Variants in SEPTIN14 observed in about 807,000 individuals in gnomAD.
The protein encoded by SEPTIN14 is septin-14.
SEPTIN14 carries 40 observed loss-of-function variants against 53.6 expected under a neutral mutation model. The observed-to-expected ratio is 0.75, with a 90% CI of 0.58 to 0.97. The LOEUF (loss-of-function observed/expected upper bound fraction) is 0.97, where lower values mean the gene tolerates loss of function less well. Ranked by LOEUF, SEPTIN14 falls within the 50% of genes least tolerant of loss-of-function variation. The pLI is 0.00. For synonymous variants in SEPTIN14, 138 were observed against 166.8 expected (o/e 0.83, Z 1.33); for missense variants, 471 against 508.2 (o/e 0.93, Z 0.70).
intron 5 of SEPTIN14, among the ~76,000 whole-genome samples, chr7:55,836,710 C>T (rs1403220028): frequency 6.6e-6 from 1 of 152,070 alleles, no homozygotes; most frequent in South Asian, 2.1e-4. Flanking sequence ...TGCACTCCAG[C>T]CTGGGCAACA....
At chr7:55,830,338 TATATATATATA>T (rs1173178461) in intron 6 of SEPTIN14, among the ~76,000 whole-genome samples, 4,301 of 44,670 alleles carry the variant, frequency 0.096, 321 homozygotes, top group African/African-American at 0.23. Flanking sequence ...TATATATATA[TATATATATATA>T]TTTTTTTTTT....
Position 55,834,442 on chromosome 7 carries a change from C to G in SEPTIN14, c.703G>C (p.Ala235Pro). 1 of 1,610,582 alleles carries G rather than the reference C, an allele frequency of 6.2e-7. No homozygotes were observed. The highest frequency in any genetic ancestry group is 8.5e-7 in the Non-Finnish European group (1 of 1,178,858). The change falls in exon 6 of 10, where the codon GCG becomes CCG. Residue 235 changes from alanine to proline, a missense_variant. Ala to Pro is a conservative substitution (Grantham distance 27). Transcript: ENST00000388975. ...LPTDEETAAQ[A>P]NSSVSGLLPF... ...AAACTTACACTAACTGAGGAGTTCGCTTGAGCAGCAGTTTCTTCATCTGTT... is the reference window on the plus strand; with the variant it reads ...AAACTTACACTAACTGAGGAGTTCGGTTGAGCAGCAGTTTCTTCATCTGTT...
chr7:55,844,849 T>A (rs935881624), intron 3 of SEPTIN14, 131 bp from the exon 4 acceptor site: 2 of 424,618 alleles, frequency 4.7e-6, no homozygotes, highest in Non-Finnish European at 8.2e-6. Flanking sequence ...GTATTCTGGC[T>A]ACCAGAGGCT....
intron 8 of SEPTIN14, among the ~76,000 whole-genome samples, chr7:55,806,574 C>G (rs1316476539): frequency 6.6e-6 from 1 of 151,904 alleles, no homozygotes; most frequent in Non-Finnish European, 1.5e-5. Context: ...AGCGATTCTC[C>G]TGCCTCAGCC....
chr7:55,859,689 A>G (rs1789708821), intron 2 of SEPTIN14, among the ~76,000 whole-genome samples: 1 of 151,290 alleles, frequency 6.6e-6, no homozygotes, highest in Admixed American at 6.6e-5. Context: ...CTTTGTTTCC[A>G]CTATAAATGG....
intron 2 of SEPTIN14, among the ~76,000 whole-genome samples, chr7:55,860,956 A>G (rs1034152019): frequency 6.6e-6 from 1 of 152,202 alleles, no homozygotes; most frequent in East Asian, 1.9e-4. Context: ...GTATTTTGTT[A>G]TAGCTGCCCA....
intron 6 of SEPTIN14, among the ~76,000 whole-genome samples, chr7:55,830,926 T>C (rs1035771643): frequency 2.0e-5 from 3 of 151,958 alleles, no homozygotes; most frequent in Admixed American, 2.0e-4. Context: ...CTGAAACTAT[T>C]CCAAAAATTT....
intron 7 of SEPTIN14, 29 bp downstream of exon 7, chr7:55,819,098 T>C: frequency 2.3e-6 from 3 of 1,277,300 alleles, no homozygotes; most frequent in Non-Finnish European, 3.4e-6. Flanking sequence ...AACTTAATCA[T>C]TCCAAAGCCT....
intron 6 of SEPTIN14, among the ~76,000 whole-genome samples, chr7:55,821,415 T>C (rs534646534): frequency 9.6e-4 from 146 of 152,162 alleles, no homozygotes; most frequent in Non-Finnish European, 1.7e-3. Flanking sequence ...TCAGAGATTT[T>C]ACCTTGGAGG....
At chr7:55,855,478 A>G (rs1789604378) in intron 2 of SEPTIN14, among the ~76,000 whole-genome samples, 1 of 152,212 alleles carries the variant, frequency 6.6e-6, no homozygotes, top group Non-Finnish European at 1.5e-5. Context: ...GCAAGGAGCA[A>G]ATTGCTAGAA....
chr7:55,798,163 AC>A, intron 9 of SEPTIN14: 1 of 209,304 alleles, frequency 4.8e-6, no homozygotes, highest in Non-Finnish European at 9.8e-6. Flanking sequence ...CTCCTTCCTG[AC>A]CCCTCCCTGC....
chr7:55,861,961 T>A lies in SEPTIN14; in HGVS notation c.36A>T (p.Ile12=), dbSNP rs1250806484. Reference sequence around the variant, plus strand: ...ACTTAACTGTATCTCCATCAGCAGGTATTTGTGTGGGCATAGCCATTGTTC... The same window carrying A: ...ACTTAACTGTATCTCCATCAGCAGGAATTTGTGTGGGCATAGCCATTGTTC... ...AERTMAMPTQ[I]PADGDTQKEN... is the part of the protein sequence containing the mutation. Residue 12 remains isoleucine (I), a synonymous_variant, in exon 2 of 10, where the codon ATA becomes ATT. Coordinates refer to ENST00000388975, the MANE Select transcript of SEPTIN14 (RefSeq NM_207366.3). 1.3e-6 allele frequency: 2 copies of A among 1,582,432 alleles called. No individual in the cohort carries two copies. Among genetic ancestry groups the A allele is most frequent in the African/African-American group, 2.7e-5 (2 of 73,744 alleles).
intron 6 of SEPTIN14, among the ~76,000 whole-genome samples, chr7:55,830,048 G>A (rs185692962): frequency 0.02 from 2,947 of 149,820 alleles, 47 homozygotes; most frequent in Non-Finnish European, 0.032. Flanking sequence ...CGTGGTGGCG[G>A]GCGCCTATAG....
chr7:55,814,504 T>C (rs1788760567), intron 7 of SEPTIN14, among the ~76,000 whole-genome samples: 1 of 152,120 alleles, frequency 6.6e-6, no homozygotes, highest in African/African-American at 2.4e-5. Context: ...CATTATTATA[T>C]GCCAACAGTG....
intron 2 of SEPTIN14, among the ~76,000 whole-genome samples, chr7:55,859,906 G>A (rs192309838): frequency 1.5e-3 from 227 of 152,314 alleles, no homozygotes; most frequent in Non-Finnish European, 2.8e-3. Flanking sequence ...GGGGCCAGAC[G>A]TGATGGCTCA....
Position 55,844,649 on chromosome 7 carries a change from G to T in SEPTIN14, c.245C>A (p.Ser82Tyr). 1 of 1,609,788 alleles carries T rather than the reference G, an allele frequency of 6.2e-7. No homozygotes were observed. Among genetic ancestry groups the T allele is most frequent in the Non-Finnish European group, 8.5e-7 (1 of 1,176,622 alleles). The change falls in exon 4 of 10, where the codon TCC becomes TAC. Residue 82 changes from serine (S) to tyrosine (Y), a missense_variant. Transcript: ENST00000388975. ...TCCAACATTTGAGTAAAAATGTGAG[G>T]ATTTGTTATCTTTCAAGTTAGTATT... ...LFNTNLKDNKSSHFYSNVGLQ... is the reference protein window; with the variant it reads ...LFNTNLKDNKYSHFYSNVGLQ...
chr7:55,830,350 T>TATATATATATATATATATATATATA (rs1554330088), intron 6 of SEPTIN14, among the ~76,000 whole-genome samples: 1 of 14,624 alleles, frequency 6.8e-5, no homozygotes, highest in African/African-American at 3.9e-4. Flanking sequence ...TATATATATA[T>TATATATATATATATATATATATATA]TTTTTTTTTT....
intron 2 of SEPTIN14, among the ~76,000 whole-genome samples, chr7:55,859,389 C>G (rs888352908): frequency 2.0e-5 from 3 of 151,976 alleles, no homozygotes; most frequent in Non-Finnish European, 4.4e-5. Flanking sequence ...TCTTGGTGCC[C>G]TTTTCAAAAA....
chr7:55,830,096 T>G (rs1370051518), intron 6 of SEPTIN14, among the ~76,000 whole-genome samples: 4 of 147,664 alleles, frequency 2.7e-5, no homozygotes, highest in East Asian at 2.0e-4. Context: ...GAGAATGGCG[T>G]GAACCCGGGA....
Sources: allele counts gnomAD v4.1 joint callset (sites outside exome capture counted in the v4.1 genomes callset), GRCh38; gene constraint gnomAD v4.1.1; transcripts MANE v1.5; gene names NCBI Gene and HGNC (gene_info 2026-07-23, HGNC 2026-07-21).